FBXL17: variants seen among roughly 807,000 people sequenced by gnomAD.
FBXL17 encodes F-box and leucine rich repeat protein 17, also known as F-box/LRR-repeat protein 17.
FBXL17 carries 22 observed loss-of-function variants against 66.2 expected under a neutral mutation model. That is an observed-to-expected ratio of 0.33 (90% CI 0.24 to 0.47). The LOEUF (loss-of-function observed/expected upper bound fraction) is 0.47, where lower values mean the gene tolerates loss of function less well. FBXL17 is among the 20% of genes least tolerant of loss of function. The pLI is 1.00. For missense variants in FBXL17, 878 were observed against 948.2 expected, an observed-to-expected ratio of 0.93 and a Z score of 0.97; for synonymous variants, 474 against 400.5, an observed-to-expected ratio of 1.18 and a Z score of -2.19.
intron 7 of FBXL17, among the ~76,000 whole-genome samples, chr5:107,947,737 T>C (rs1379534303): frequency 6.6e-6 from 1 of 152,158 alleles, no homozygotes; most frequent in Non-Finnish European, 1.5e-5. Flanking sequence ...AGACTGAGGA[T>C]CTAGGGCTCC....
intron 7 of FBXL17, among the ~76,000 whole-genome samples, chr5:107,967,516 C>T (rs1354300521): frequency 1.6e-5 from 2 of 127,106 alleles, no homozygotes; most frequent in Admixed American, 2.0e-4. Flanking sequence ...GAACATCACA[C>T]ACCAGGTCCT....
At chr5:108,165,866 C>T (rs776003188) in intron 6 of FBXL17, among the ~76,000 whole-genome samples, 4 of 152,040 alleles carry the variant, frequency 2.6e-5, no homozygotes, top group Non-Finnish European at 5.9e-5. Context: ...TCAGTTTGTA[C>T]AAGATATGAA....
chr5:107,940,198 G>A (rs1006738639), intron 7 of FBXL17, among the ~76,000 whole-genome samples: 1 of 152,118 alleles, frequency 6.6e-6, no homozygotes, highest in Non-Finnish European at 1.5e-5. Flanking sequence ...TCTGACTCCG[G>A]AACCTACCTA....
chr5:108,206,155 T>A (rs1431087084), intron 5 of FBXL17, among the ~76,000 whole-genome samples: 1 of 152,162 alleles, frequency 6.6e-6, no homozygotes, highest in Non-Finnish European at 1.5e-5. Flanking sequence ...AACTGCAAAA[T>A]TATAATTTTC....
At chr5:107,959,646 T>C (rs1017579128) in intron 7 of FBXL17, among the ~76,000 whole-genome samples, 3 of 152,148 alleles carry the variant, frequency 2.0e-5, no homozygotes, top group African/African-American at 7.2e-5. Context: ...CCCCAATGCA[T>C]AAAGTTTTGT....
intron 4 of FBXL17, among the ~76,000 whole-genome samples, chr5:108,340,696 T>C (rs999794446): frequency 2.0e-5 from 3 of 152,206 alleles, no homozygotes; most frequent in African/African-American, 7.2e-5. Context: ...CTTTAAGCTA[T>C]TTTAAGCTTT....
intron 4 of FBXL17, among the ~76,000 whole-genome samples, chr5:108,238,786 C>G (rs139412170): frequency 2.0e-5 from 3 of 152,270 alleles, no homozygotes; most frequent in Admixed American, 6.5e-5. Context: ...TTTCAGATTA[C>G]AGGTGTGAGC....
At chr5:108,283,438 C>T (rs1392656733) in intron 4 of FBXL17, among the ~76,000 whole-genome samples, 1 of 151,328 alleles carries the variant, frequency 6.6e-6, no homozygotes, top group Admixed American at 6.6e-5. Context: ...CAAGAACAAA[C>T]ACTGGCAAAA....
intron 7 of FBXL17, among the ~76,000 whole-genome samples, chr5:107,980,664 A>ATATATATATATATTTTTTTTTTTTT: frequency 1.1e-4 from 7 of 62,076 alleles, no homozygotes; most frequent in African/African-American, 4.1e-4. Flanking sequence ...ATATATATAT[A>ATATATATATATATTTTTTTTTTTTT]TTTTTTTTTT....
chr5:107,989,905 C>T lies in FBXL17; in HGVS notation c.1822+31020G>A, dbSNP rs145965572. On this transcript the variant is annotated intron_variant, in intron 7 of 8. Transcript: ENST00000542267. Reference sequence around the variant, plus strand: ...CCAGGTTTACTGATTGGAACTGTTCCTGGACTTCTACATGAAAAGGACCAC... The same window carrying T: ...CCAGGTTTACTGATTGGAACTGTTCTTGGACTTCTACATGAAAAGGACCAC... Among the ~76,000 whole-genome samples, 8 of 152,148 alleles carry T rather than the reference C, an allele frequency of 5.3e-5. No individual in the cohort carries two copies. The East Asian group carries it at 1.5e-3, about 29-fold the overall frequency.
At chr5:108,122,963 T>C (rs1408528632) in intron 6 of FBXL17, among the ~76,000 whole-genome samples, 1 of 151,930 alleles carries the variant, frequency 6.6e-6, no homozygotes, top group Non-Finnish European at 1.5e-5. Flanking sequence ...CGCCAACACA[T>C]GACCTTAATC....
intron 7 of FBXL17, among the ~76,000 whole-genome samples, chr5:107,892,870 A>C (rs1749241697): frequency 6.6e-6 from 1 of 152,238 alleles, no homozygotes. Flanking sequence ...AAACAAAAAC[A>C]TGAAATTCAA....
chr5:108,357,086 T>C (rs1748047915), intron 3 of FBXL17, among the ~76,000 whole-genome samples: 1 of 151,976 alleles, frequency 6.6e-6, no homozygotes, highest in South Asian at 2.1e-4. Flanking sequence ...TGAATAAAAC[T>C]GTAAATTAAG....
At chr5:107,861,886 A>T in intron 8 of FBXL17, 26 bp from the exon 9 acceptor site, 2 of 1,472,474 alleles carry the variant, frequency 1.4e-6, no homozygotes, top group Non-Finnish European at 1.8e-6. Context: ...AGTCACCATC[A>T]CGCACAGAGA....
At chr5:108,180,470 C>T (rs1261298463) in intron 6 of FBXL17, among the ~76,000 whole-genome samples, 1 of 151,688 alleles carries the variant, frequency 6.6e-6, no homozygotes, top group Non-Finnish European at 1.5e-5. Flanking sequence ...TGTGCCACTG[C>T]ACTCCAGCCT....
chr5:107,971,391 T>C (rs1219354142), intron 7 of FBXL17, among the ~76,000 whole-genome samples: 3 of 152,212 alleles, frequency 2.0e-5, no homozygotes, highest in Non-Finnish European at 4.4e-5. Flanking sequence ...TAAGGTCTTT[T>C]TCAAGGCGCA....
At chr5:108,150,124 A>G (rs766590135) in intron 6 of FBXL17, among the ~76,000 whole-genome samples, 2 of 152,212 alleles carry the variant, frequency 1.3e-5, no homozygotes, top group Admixed American at 1.3e-4. Flanking sequence ...TTCAAACATC[A>G]TAACATGTTA....
chr5:108,295,697 T>C (rs1457527528), intron 4 of FBXL17, among the ~76,000 whole-genome samples: 1 of 151,814 alleles, frequency 6.6e-6, no homozygotes, highest in Non-Finnish European at 1.5e-5. Context: ...AGTAATACAA[T>C]CCAATTGCTA....
At chr5:108,025,687 A>ACACACACAC (rs1453156562) in intron 6 of FBXL17, among the ~76,000 whole-genome samples, 1 of 138,588 alleles carries the variant, frequency 7.2e-6, no homozygotes, top group Non-Finnish European at 1.5e-5. Context: ...ACATACACAC[A>ACACACACAC]CACACACACA....
Sources: allele counts gnomAD v4.1 joint callset (sites outside exome capture counted in the v4.1 genomes callset), GRCh38; gene constraint gnomAD v4.1.1; transcripts MANE v1.5; gene names NCBI Gene and HGNC (gene_info 2026-07-23, HGNC 2026-07-21).